Variants in EFNA3 observed in about 807,000 individuals in gnomAD.
EFNA3 encodes the protein ephrin-A3.
In EFNA3, 15 loss-of-function variants were observed where a neutral mutation model predicts 25.0. The ratio of observed to expected loss-of-function variants is 0.60; its 90% CI spans 0.40 to 0.92. The LOEUF (loss-of-function observed/expected upper bound fraction) is 0.92. EFNA3 is among the 40% of genes least tolerant of loss of function. The probability of loss-of-function intolerance (pLI) is 0.00; values close to 1 mark genes in which losing one functional copy is unlikely to be tolerated. For missense variants in EFNA3, 298 were observed against 323.8 expected (o/e 0.92, Z 0.61); for synonymous variants, 153 against 145.6 (o/e 1.05, Z -0.37).
chr1:155,085,839 A>G lies in EFNA3; in HGVS notation c.443-38A>G. Reference sequence around the variant, plus strand: ...CCGTCGAGGGAGGGCACAGGCACACATTGGGCGAAAGTGACTCAGGCCCGG... The same window carrying G: ...CCGTCGAGGGAGGGCACAGGCACACGTTGGGCGAAAGTGACTCAGGCCCGG... On this transcript the variant is annotated intron_variant, in intron 2 of 4. Transcript: ENST00000368408. The surrounding 1 kb of genome is among the most constrained non-coding windows in gnomAD (Gnocchi z 4.4). 1.2e-6 allele frequency: 2 copies of G among 1,609,720 alleles called. No individual in the cohort carries two copies. The highest frequency in any genetic ancestry group is 8.5e-7 in the Non-Finnish European group (1 of 1,177,910).
At position 155,078,896 on chromosome 1, in the gene EFNA3, G is replaced by A; in HGVS notation, c.-46G>A. 2 of 1,344,388 alleles carry A rather than the reference G, an allele frequency of 1.5e-6. No homozygotes were observed. The highest frequency in any genetic ancestry group is 1.9e-6 in the Non-Finnish European group (2 of 1,049,926). 83.3% of individuals were successfully genotyped at this position (1,344,388 alleles called of 1,614,324 possible). ...GGGAGCTGGGAAGCGGAGAAGCCGG[G>A]AGCGCGGGGCTCAGTCGGGGGGCGG... On this transcript the variant is annotated 5_prime_UTR_variant, in exon 1 of 5. Transcript: ENST00000368408.
chr1:155,082,815 G>A (rs897827692), intron 1 of EFNA3, among the ~76,000 whole-genome samples: 9 of 150,490 alleles, frequency 6.0e-5, no homozygotes, highest in South Asian at 2.2e-4. Context: ...CTCTCTCTCC[G>A]CACTGCTAGG....
Position 155,087,457 on chromosome 1 carries a change from CCTG to C in EFNA3, c.*915_*917del, listed in dbSNP as rs1426295194. ...CACCCTATGTGGTCCCACCTATCCT[CCTG>C]GGCCTTTTTCAAGTGCTTTGGCTGT... On this transcript the variant is annotated 3_prime_UTR_variant, in exon 5 of 5. Transcript: ENST00000368408. 1 of 152,850 alleles carries C rather than the reference CCTG, an allele frequency of 6.5e-6. No homozygotes were observed. Among genetic ancestry groups the C allele is most frequent in the Non-Finnish European group, 1.5e-5 (1 of 68,064 alleles). 9.5% of individuals were successfully genotyped at this position (152,850 alleles called of 1,614,324 possible).
chr1:155,082,915 G>A (rs1663372045), intron 1 of EFNA3, among the ~76,000 whole-genome samples: 1 of 152,190 alleles, frequency 6.6e-6, no homozygotes, highest in East Asian at 1.9e-4. Flanking sequence ...GGAATTCCTG[G>A]CTCTCACCCC....
chr1:155,085,447 C>G lies in EFNA3; in HGVS notation c.442+43C>G. The G allele has an allele frequency of 6.7e-7, 1 of 1,495,802 alleles. No individual in the cohort carries two copies. The highest frequency in any genetic ancestry group is 9.0e-7 in the Non-Finnish European group (1 of 1,117,300). 92.7% of individuals were successfully genotyped at this position (1,495,802 alleles called of 1,614,324 possible). On this transcript the variant is annotated intron_variant, in intron 2 of 4. Coordinates refer to ENST00000368408, the MANE Select transcript of EFNA3 (RefSeq NM_004952.5). This position sits in a 1 kb window ranked among gnomAD's most constrained non-coding sequence, Gnocchi z 4.4. Reference sequence around the variant, plus strand: ...GGCGGGCGGGTCTGAACGCGAGAGTCTGAGTGACAGCCGGGGGGTGGAGCC... The same window carrying G: ...GGCGGGCGGGTCTGAACGCGAGAGTGTGAGTGACAGCCGGGGGGTGGAGCC...
rs776278383 is a variant in EFNA3, at chr1:155,085,845, C to A, written c.443-32C>A. 5.6e-6 allele frequency: 9 copies of A among 1,610,394 alleles called. No homozygotes were observed. In the South Asian group the frequency reaches 1.0e-4, roughly 18 times the overall value. On this transcript the variant is annotated intron_variant, in intron 2 of 4. Transcript: ENST00000368408. This position sits in a 1 kb window ranked among gnomAD's most constrained non-coding sequence, Gnocchi z 4.4. The stretch of plus-strand genomic sequence containing the variant: ...AGGGAGGGCACAGGCACACATTGGG[C>A]GAAAGTGACTCAGGCCCGGTCTCCT...
In EFNA3 at chr1:155,080,866, C is replaced by T. The variant is rs754043588; in HGVS notation, c.128+1797C>T. On this transcript the variant is annotated intron_variant, in intron 1 of 4. Coordinates refer to ENST00000368408, the MANE Select transcript of EFNA3 (RefSeq NM_004952.5). The surrounding 1 kb of genome is among the most constrained non-coding windows in gnomAD (Gnocchi z 7.0). ...GGCTGCCGCCGCCCCCGCCTCGCTTCCCGGGCCTTTGTTGCCGCTGCGCCC... is the reference window on the plus strand; with the variant it reads ...GGCTGCCGCCGCCCCCGCCTCGCTTTCCGGGCCTTTGTTGCCGCTGCGCCC... Among the ~76,000 whole-genome samples the T allele has an allele frequency of 6.6e-6, 1 of 152,174 alleles. No individual in the cohort carries two copies. The highest frequency in any genetic ancestry group is 1.5e-5 in the Non-Finnish European group (1 of 68,000).
chr1:155,085,490 G>A lies in EFNA3; in HGVS notation c.442+86G>A. ...GTGGAGCCCCTAGGCTCCGGGGCGG[G>A]GCCGGCGCGGCGGGCGCCAGGTCTC... On this transcript the variant is annotated intron_variant, in intron 2 of 4. Coordinates refer to ENST00000368408, the MANE Select transcript of EFNA3 (RefSeq NM_004952.5). The surrounding 1 kb of genome is among the most constrained non-coding windows in gnomAD (Gnocchi z 4.4). 1.4e-6 allele frequency: 2 copies of A among 1,427,078 alleles called. No homozygotes were observed. Among genetic ancestry groups the A allele is most frequent in the Non-Finnish European group, 1.9e-6 (2 of 1,080,362 alleles). 88.4% of individuals were successfully genotyped at this position (1,427,078 alleles called of 1,614,324 possible).
chr1:155,083,266 G>C (rs1014428654), intron 1 of EFNA3, among the ~76,000 whole-genome samples: 2 of 152,218 alleles, frequency 1.3e-5, no homozygotes, highest in African/African-American at 4.8e-5. Context: ...CAAAGACAGA[G>C]ATCCCAGTGT....
rs1039994493 is a variant in EFNA3 at position 155,087,427 on chromosome 1, C to T, written c.*884C>T. 2.0e-5 allele frequency: 3 copies of T among 152,894 alleles called. No individual in the cohort carries two copies. The highest frequency in any genetic ancestry group is 7.2e-5 in the African/African-American group (3 of 41,440). 9.5% of individuals were successfully genotyped at this position (152,894 alleles called of 1,614,324 possible). A position where few individuals can be genotyped will look rare whatever the true frequency, so the allele number is the denominator to read the frequency against. The stretch of plus-strand genomic sequence containing the variant: ...GGGAACCATCTCCCAGGACCTTGCC[C>T]TGCTCACCCTATGTGGTCCCACCTA... On this transcript the variant is annotated 3_prime_UTR_variant, in exon 5 of 5. Coordinates refer to ENST00000368408, the MANE Select transcript of EFNA3 (RefSeq NM_004952.5).
At chr1:155,083,435 C>T (rs1256366804) in intron 1 of EFNA3, among the ~76,000 whole-genome samples, 6 of 152,228 alleles carry the variant, frequency 3.9e-5, no homozygotes, top group Admixed American at 3.3e-4. Context: ...CTCCCAGTGC[C>T]GCAGGCCGAG....
chr1:155,083,915 G>C (rs72702271), intron 1 of EFNA3, among the ~76,000 whole-genome samples: 2 of 152,166 alleles, frequency 1.3e-5, no homozygotes, highest in African/African-American at 2.4e-5. Flanking sequence ...AGAAATTAGG[G>C]AAAACTCCTG....
At chr1:155,082,156 G>C (rs140309215) in intron 1 of EFNA3, among the ~76,000 whole-genome samples, 2,307 of 152,240 alleles carry the variant, frequency 0.015, 38 homozygotes, top group Middle Eastern at 0.034. Context: ...CTCAAAGCCC[G>C]GGCGCGCGGA....
At position 155,078,901 on chromosome 1, in the gene EFNA3, C is replaced by T; in HGVS notation, c.-41C>T. The T allele has an allele frequency of 7.4e-7, 1 of 1,349,974 alleles. No individual in the cohort carries two copies. Among genetic ancestry groups the T allele is most frequent in the Non-Finnish European group, 9.5e-7 (1 of 1,053,042 alleles). The allele number at this position is 1,349,974 out of a possible 1,614,324, so 83.6% of individuals were successfully genotyped here. On this transcript the variant is annotated 5_prime_UTR_variant, in exon 1 of 5. Coordinates refer to ENST00000368408, the MANE Select transcript of EFNA3 (RefSeq NM_004952.5). ...CTGGGAAGCGGAGAAGCCGGGAGCG[C>T]GGGGCTCAGTCGGGGGGCGGCGGCG...
rs1479976081 is a variant in EFNA3 at position 155,079,113 on chromosome 1, GA to G, written c.128+45del. ...GAGTCCGCGCGTCCCGTCTCAGTGA[GA>G]GGGGGAGCCGGTGGGCCCGAGAAGT... On this transcript the variant is annotated intron_variant, in intron 1 of 4. Coordinates refer to ENST00000368408, the MANE Select transcript of EFNA3 (RefSeq NM_004952.5). The surrounding 1 kb of genome is among the most constrained non-coding windows in gnomAD (Gnocchi z 7.7). 1.5e-6 allele frequency: 2 copies of G among 1,294,750 alleles called. No homozygotes were observed. Among genetic ancestry groups the G allele is most frequent in the Non-Finnish European group, 2.0e-6 (2 of 1,013,556 alleles). The allele number at this position is 1,294,750 out of a possible 1,614,324, so 80.2% of individuals were successfully genotyped here.
rs534041967 is a variant in EFNA3, at chr1:155,078,914, G to C, written c.-28G>C. 7.1e-4 allele frequency: 976 copies of C among 1,374,936 alleles called. 5 individuals carry two copies. The Middle Eastern group carries it at 8.2e-3, about 12-fold the overall frequency. The allele number at this position is 1,374,936 out of a possible 1,614,324, so 85.2% of individuals were successfully genotyped here. A position where few individuals can be genotyped will look rare whatever the true frequency, so the allele number is the denominator to read the frequency against. On this transcript the variant is annotated 5_prime_UTR_variant, in exon 1 of 5. Coordinates refer to ENST00000368408, the MANE Select transcript of EFNA3 (RefSeq NM_004952.5). ...AAGCCGGGAGCGCGGGGCTCAGTCGGGGGGCGGCGGCGGCGGCGGCTCCGG... is the reference window on the plus strand; with the variant it reads ...AAGCCGGGAGCGCGGGGCTCAGTCGCGGGGCGGCGGCGGCGGCGGCTCCGG...
chr1:155,086,111 C>A lies in EFNA3; in HGVS notation c.509-17C>A. 4 of 1,581,310 alleles carry A rather than the reference C, an allele frequency of 2.5e-6. No individual in the cohort carries two copies. The highest frequency in any genetic ancestry group is 3.5e-6 in the Non-Finnish European group (4 of 1,152,210). On this transcript the variant is annotated splice_polypyrimidine_tract_variant and intron_variant, in intron 3 of 4. Transcript: ENST00000368408. The stretch of plus-strand genomic sequence containing the variant: ...GACTCTCCCCTCCTCTCTCCCCACC[C>A]GCACCCCACCCCGCAGCATCGCACT...
intron 1 of EFNA3, among the ~76,000 whole-genome samples, chr1:155,082,926 G>A (rs1558144881): frequency 6.6e-6 from 1 of 152,140 alleles, no homozygotes; most frequent in Non-Finnish European, 1.5e-5. Context: ...CTCTCACCCC[G>A]TTTGTCCCCG....
Position 155,078,928 on chromosome 1 carries a change from C to G in EFNA3, c.-14C>G. 1 of 1,383,984 alleles carries G rather than the reference C, an allele frequency of 7.2e-7. No homozygotes were observed. The highest frequency in any genetic ancestry group is 9.3e-7 in the Non-Finnish European group (1 of 1,069,904). 85.7% of individuals were successfully genotyped at this position (1,383,984 alleles called of 1,614,324 possible). A position where few individuals can be genotyped will look rare whatever the true frequency, so the allele number is the denominator to read the frequency against. On this transcript the variant is annotated 5_prime_UTR_variant, in exon 1 of 5. Transcript: ENST00000368408. ...GGGCTCAGTCGGGGGGCGGCGGCGG[C>G]GGCGGCTCCGGGGATGGCGGCGGCT...
Sources: allele counts gnomAD v4.1 joint callset (sites outside exome capture counted in the v4.1 genomes callset), GRCh38; gene constraint gnomAD v4.1.1; non-coding constraint Gnocchi (gnomAD v3.1); transcripts MANE v1.5; gene names NCBI Gene and HGNC (gene_info 2026-07-23, HGNC 2026-07-21).